The following SUMF1 variants were observed in gnomAD, a reference collection of about 807,000 sequenced individuals.
The protein encoded by SUMF1 is formylglycine-generating enzyme.
In SUMF1, 48 loss-of-function variants were observed where a neutral mutation model predicts 47.6. The observed-to-expected ratio is 1.01, with a 90% CI of 0.80 to 1.28. The LOEUF (loss-of-function observed/expected upper bound fraction) is 1.28, where lower values mean the gene tolerates loss of function less well. Among genes scored for constraint, SUMF1 ranks in the 50% most tolerant of loss-of-function variants. SUMF1 has a pLI of 0.00. For synonymous variants in SUMF1, 230 were observed against 192.1 expected (o/e 1.20, Z -1.63); for missense variants, 571 against 485.4 (o/e 1.18, Z -1.66).
At chr3:4,071,217 C>A (rs1695514421) in intron 8 of SUMF1, among the ~76,000 whole-genome samples, 1 of 152,100 alleles carries the variant, frequency 6.6e-6, no homozygotes, top group African/African-American at 2.4e-5. Context: ...CAGTCTGCAG[C>A]TCCCAGCGAG....
intron 8 of SUMF1, among the ~76,000 whole-genome samples, chr3:4,135,155 C>G (rs1036387012): frequency 3.3e-5 from 5 of 152,148 alleles, no homozygotes; most frequent in African/African-American, 1.2e-4. Context: ...CAAAGCCTGG[C>G]AGAGACACAA....
chr3:4,424,186 C>A (rs1383216362), intron 3 of SUMF1, among the ~76,000 whole-genome samples: 1 of 152,064 alleles, frequency 6.6e-6, no homozygotes, highest in Non-Finnish European at 1.5e-5. Context: ...CAGATATCAC[C>A]CTACACATAT....
intron 8 of SUMF1, among the ~76,000 whole-genome samples, chr3:4,175,089 A>C (rs1694928650): frequency 6.6e-6 from 1 of 152,044 alleles, no homozygotes; most frequent in Non-Finnish European, 1.5e-5. Flanking sequence ...TCTAGACTCC[A>C]CCTCTCTGGG....
At chr3:4,256,160 G>C (rs1340223364) in intron 8 of SUMF1, among the ~76,000 whole-genome samples, 4 of 103,856 alleles carry the variant, frequency 3.9e-5, no homozygotes, top group Admixed American at 9.7e-5. Flanking sequence ...ACAAGAGAAA[G>C]CAGGAAAGAT....
chr3:4,221,060 G>C (rs946932030), intron 8 of SUMF1, among the ~76,000 whole-genome samples: 2 of 152,114 alleles, frequency 1.3e-5, no homozygotes, highest in Admixed American at 1.3e-4. Context: ...GTAAGGGAGA[G>C]ACATGTTAAA....
intron 8 of SUMF1, among the ~76,000 whole-genome samples, chr3:4,144,658 T>C (rs1574923226): frequency 6.6e-6 from 1 of 152,086 alleles, no homozygotes; most frequent in East Asian, 1.9e-4. Flanking sequence ...AAAACACAAA[T>C]AACCTGCTTT....
intron 8 of SUMF1, among the ~76,000 whole-genome samples, chr3:4,103,677 G>A (rs566687013): frequency 6.6e-6 from 1 of 152,134 alleles, no homozygotes; most frequent in Non-Finnish European, 1.5e-5. Flanking sequence ...AACATTTAAT[G>A]GATACACTTA....
At chr3:4,326,844 C>T (rs548119749) in intron 8 of SUMF1, among the ~76,000 whole-genome samples, 8 of 152,198 alleles carry the variant, frequency 5.3e-5, no homozygotes, top group African/African-American at 1.9e-4. Context: ...TATTGGCTCT[C>T]TAACATCATC....
rs551843945 is a variant in SUMF1 at position 4,219,240 on chromosome 3, C to T, written c.1015-150495G>A. Among the ~76,000 whole-genome samples the T allele has an allele frequency of 1.8e-4, 28 of 152,268 alleles. 1 individual carries two copies. The highest frequency in any genetic ancestry group is 1.6e-3 in the Admixed American group (24 of 15,282). On this transcript the variant is annotated intron_variant and NMD_transcript_variant, in intron 8 of 12. Transcript: ENST00000448413. ...TAAATACAAAGTACCTTATGTTATT[C>T]GACACTTTCCACATTTCAAACGTTT...
At chr3:4,157,691 ACG>A (rs1694486247) in intron 8 of SUMF1, among the ~76,000 whole-genome samples, 1 of 151,244 alleles carries the variant, frequency 6.6e-6, no homozygotes, top group Non-Finnish European at 1.5e-5. Context: ...TTATCTCTAT[ACG>A]CTTCTTTATT....
intron 7 of SUMF1, among the ~76,000 whole-genome samples, chr3:4,390,054 A>T (rs541304526): frequency 2.0e-5 from 3 of 152,272 alleles, no homozygotes; most frequent in Admixed American, 6.5e-5. Flanking sequence ...ACATGTTCTT[A>T]TTATGTTAAA....
At position 4,236,823 on chromosome 3, in the gene SUMF1, A is replaced by C. The variant is rs548609626; in HGVS notation, c.1014+139507T>G. Among the ~76,000 whole-genome samples, 14 of 152,212 alleles carry C rather than the reference A, an allele frequency of 9.2e-5. No homozygotes were observed. The South Asian group carries it at 2.9e-3, about 32-fold the overall frequency. On this transcript the variant is annotated intron_variant and NMD_transcript_variant, in intron 8 of 12. Coordinates refer to the SUMF1 transcript ENST00000448413. ...TGTTGTACATTCTATGGGTTTTGAC[A>C]AACGTATAATGACAAACCATTATAT... is the stretch of plus-strand genomic sequence containing the variant.
intron 8 of SUMF1, among the ~76,000 whole-genome samples, chr3:4,191,526 T>C (rs553259180): frequency 2.6e-5 from 4 of 152,192 alleles, no homozygotes; most frequent in African/African-American, 4.8e-5. Flanking sequence ...GTTTTATATA[T>C]TGAAAGGATA....
chr3:4,400,822 A>G (rs1398731524), intron 7 of SUMF1, among the ~76,000 whole-genome samples: 2 of 152,138 alleles, frequency 1.3e-5, no homozygotes, highest in Non-Finnish European at 2.9e-5. Flanking sequence ...ATTTTATTTT[A>G]TTTTTATTAT....
chr3:4,249,783 G>C (rs371714672), intron 8 of SUMF1, among the ~76,000 whole-genome samples: 2 of 152,180 alleles, frequency 1.3e-5, no homozygotes, highest in Non-Finnish European at 2.9e-5. Flanking sequence ...AAGGCTGAAA[G>C]CTAGGCCTCT....
At chr3:4,149,283 A>C (rs1402746065) in intron 8 of SUMF1, among the ~76,000 whole-genome samples, 1 of 152,158 alleles carries the variant, frequency 6.6e-6, no homozygotes, top group Non-Finnish European at 1.5e-5. Flanking sequence ...AGAATCACTG[A>C]ACCTACTGAG....
At chr3:4,420,440 G>A (rs1701856581) in intron 3 of SUMF1, among the ~76,000 whole-genome samples, 1 of 142,488 alleles carries the variant, frequency 7.0e-6, no homozygotes, top group South Asian at 2.2e-4. Flanking sequence ...CTGTCGCCCA[G>A]GCTGGAGTGC....
intron 8 of SUMF1, among the ~76,000 whole-genome samples, chr3:4,347,730 G>C (rs1699401927): frequency 6.6e-6 from 1 of 152,210 alleles, no homozygotes; most frequent in Non-Finnish European, 1.5e-5. Flanking sequence ...TAGGAAGAGA[G>C]GAAGTCAGAT....
chr3:4,328,897 G>T (rs866591422), intron 8 of SUMF1, among the ~76,000 whole-genome samples: 48 of 152,300 alleles, frequency 3.2e-4, no homozygotes, highest in Middle Eastern at 3.4e-3. Flanking sequence ...GGGGGTACAG[G>T]CATTGGGTAA....
Sources: gnomAD v4.1 joint callset for allele counts (sites outside exome capture counted in the v4.1 genomes callset) on GRCh38, gnomAD v4.1.1 for gene constraint, MANE v1.5 for transcripts, NCBI Gene and HGNC (gene_info 2026-07-23, HGNC 2026-07-21) for gene names.